The following HOXC10 variants were observed in gnomAD, a reference collection of about 807,000 sequenced individuals.
HOXC10 encodes the protein homeobox C10.
A neutral mutation model predicts 26.0 loss-of-function variants in HOXC10; 15 were observed. The ratio of observed to expected loss-of-function variants is 0.58; its 90% CI spans 0.39 to 0.89. The LOEUF is 0.89. Ranked by LOEUF, HOXC10 falls within the 40% of genes least tolerant of loss-of-function variation. The pLI, the probability that HOXC10 is intolerant of heterozygous loss-of-function variation, is 0.00. For missense variants in HOXC10, 446 were observed against 451.9 expected, an observed-to-expected ratio of 0.99 and a Z score of 0.12; for synonymous variants, 196 against 185.5, an observed-to-expected ratio of 1.06 and a Z score of -0.46.
At chr12:53,986,227 C>T (rs990807597) in intron 1 of HOXC10, 3 of 550,168 alleles carry the variant, frequency 5.5e-6, no homozygotes, top group South Asian at 3.0e-5. Context: ...GGCCCTGCCC[C>T]GGCCATGGGT....
Position 53,989,709 on chromosome 12 carries a change from G to T in HOXC10, c.*263G>T. 2.0e-6 allele frequency: 1 copy of T among 503,076 alleles called. No homozygotes were observed. The highest frequency in any genetic ancestry group is 3.5e-6 in the Non-Finnish European group (1 of 286,084). 31.2% of individuals were successfully genotyped at this position (503,076 alleles called of 1,614,324 possible). A position where few individuals can be genotyped will look rare whatever the true frequency, so the allele number is the denominator to read the frequency against. On this transcript the variant is annotated 3_prime_UTR_variant, in exon 2 of 2. Transcript: ENST00000303460. ...GGGGGTGGGAGTGTGGCTGGTGTGTGTGTCAAGCCCTCACTCACCCACGCA... is the reference window on the plus strand; with the variant it reads ...GGGGGTGGGAGTGTGGCTGGTGTGTTTGTCAAGCCCTCACTCACCCACGCA...
intron 1 of HOXC10, chr12:53,986,472 T>C (rs1186436583): frequency 6.5e-6 from 1 of 153,830 alleles, no homozygotes; most frequent in East Asian, 1.9e-4. Context: ...TACTGCGTTT[T>C]CCCAGTTGAA....
intron 1 of HOXC10, among the ~76,000 whole-genome samples, chr12:53,988,331 A>G (rs1592201942): frequency 6.6e-6 from 1 of 152,202 alleles, no homozygotes; most frequent in East Asian, 1.9e-4. Context: ...AGGTGTGTGT[A>G]TCTCTGCAGG....
Position 53,989,430 on chromosome 12 carries a change from A to C in HOXC10, c.1013A>C (p.Asn338Thr). The C allele has an allele frequency of 6.2e-7, 1 of 1,612,928 alleles. No individual in the cohort carries two copies. Among genetic ancestry groups the C allele is most frequent in the East Asian group, 2.2e-5 (1 of 44,862 alleles). Residue 338 changes from asparagine (N) to threonine (T), a missense_variant, in exon 2 of 2, where the codon AAT becomes ACT. Coordinates refer to ENST00000303460, the MANE Select transcript of HOXC10 (RefSeq NM_017409.4). ...AATCGGATCCGGGAACTGACCTCCA[A>C]TTTTAATTTCACCTGAGAGCGCGGC... ...RENRIRELTS[N>T]FNFT
rs538290710 is a variant in HOXC10 at position 53,989,400 on chromosome 12, G to A, written c.983G>A (p.Arg328Gln). The A allele has an allele frequency of 1.1e-5, 17 of 1,613,918 alleles. No individual in the cohort carries two copies. Among genetic ancestry groups the A allele is most frequent in the East Asian group, 2.2e-5 (1 of 44,868 alleles). Residue 328 changes from arginine (R) to glutamine (Q), a missense_variant, in exon 2 of 2, where the codon CGA becomes CAA. Coordinates refer to ENST00000303460, the MANE Select transcript of HOXC10 (RefSeq NM_017409.4). ...NRRMKLKKMN[R>Q]ENRIRELTSN... ...AGAATGAAACTCAAGAAAATGAACC[G>A]AGAGAATCGGATCCGGGAACTGACC... is the stretch of plus-strand genomic sequence containing the variant.
In HOXC10 at chr12:53,985,945, A is replaced by C; in HGVS notation, c.686A>C (p.Glu229Ala). 1 of 1,612,386 alleles carries C rather than the reference A, an allele frequency of 6.2e-7. No homozygotes were observed. Among genetic ancestry groups the C allele is most frequent in the South Asian group, 1.1e-5 (1 of 90,924 alleles). The part of the protein sequence containing the change: ...SLAGPKGSPS[E>A]SEKERAKAAD... ...GCGGGCCCTAAAGGGAGCCCCTCGG[A>C]GAGCGAAAAGGAGAGGGCCAAAGCT... is the stretch of plus-strand genomic sequence containing the variant. Residue 229 changes from glutamate to alanine, a missense_variant, in exon 1 of 2, where the codon GAG becomes GCG. Transcript: ENST00000303460.
intron 1 of HOXC10, among the ~76,000 whole-genome samples, chr12:53,988,820 A>G (rs1939474646): frequency 6.6e-6 from 1 of 152,252 alleles, no homozygotes; most frequent in Admixed American, 6.5e-5. Context: ...CAGAGCTGGA[A>G]TGGAACAGAG....
rs775547283 is a variant in HOXC10 at position 53,989,427 on chromosome 12, C to T, written c.1010C>T (p.Ser337Phe). 6.2e-7 allele frequency: 1 copy of T among 1,613,136 alleles called. No homozygotes were observed. The highest frequency in any genetic ancestry group is 1.1e-5 in the South Asian group (1 of 90,884). The part of the protein sequence containing the change: ...NRENRIRELT[S>F]NFNFT The stretch of plus-strand genomic sequence containing the variant: ...GAGAATCGGATCCGGGAACTGACCT[C>T]CAATTTTAATTTCACCTGAGAGCGC... Residue 337 changes from serine (S) to phenylalanine (F), a missense_variant, in exon 2 of 2, where the codon TCC becomes TTC. Transcript: ENST00000303460.
chr12:53,985,547 GTCC>G lies in HOXC10; in HGVS notation c.293_295del (p.Ser98del), dbSNP rs993462053. ...TGGAACAACCTGTTGGCAGGCCGCT[GTCC>G]TCCTGCTCCTACCCACCTAGTGTCA... On this transcript the variant is annotated inframe_deletion, in exon 1 of 2. Transcript: ENST00000303460. 9.3e-6 allele frequency: 15 copies of G among 1,613,742 alleles called. No homozygotes were observed. The African/African-American group carries it at 1.2e-4, about 13-fold the overall frequency.
chr12:53,989,171 G>A lies in HOXC10; in HGVS notation c.754G>A (p.Glu252Lys). ...PDTSDNEAKE[E>K]IKAENTTGNW... ...GTAAATAATGTTATTTTTAACAGAG[G>A]AGATAAAGGCAGAAAACACCACAGG... The change falls in exon 2 of 2, where the codon GAG becomes AAG. Residue 252 changes from glutamate (E) to lysine (K), a missense_variant and splice_region_variant. Physicochemically the swap from Glu to Lys is moderately conservative, Grantham distance 56. Coordinates refer to ENST00000303460, the MANE Select transcript of HOXC10 (RefSeq NM_017409.4). 1 of 1,596,466 alleles carries A rather than the reference G, an allele frequency of 6.3e-7. No individual in the cohort carries two copies. Among genetic ancestry groups the A allele is most frequent in the Non-Finnish European group, 8.5e-7 (1 of 1,173,624 alleles).
intron 1 of HOXC10, among the ~76,000 whole-genome samples, chr12:53,988,221 G>C (rs1370733078): frequency 6.6e-6 from 1 of 152,244 alleles, no homozygotes; most frequent in Non-Finnish European, 1.5e-5. Context: ...GTCAGGGATA[G>C]AGGCTGTCAA....
rs1448845462 is a variant in HOXC10 at position 53,985,713 on chromosome 12, A to T, written c.454A>T (p.Ser152Cys). 1 of 1,610,546 alleles carries T rather than the reference A, an allele frequency of 6.2e-7. No individual in the cohort carries two copies. Among genetic ancestry groups the T allele is most frequent in the Non-Finnish European group, 8.5e-7 (1 of 1,177,516 alleles). Residue 152 changes from serine (S) to cysteine (C), a missense_variant, in exon 1 of 2, where the codon AGC becomes TGC. Coordinates refer to ENST00000303460, the MANE Select transcript of HOXC10 (RefSeq NM_017409.4). ...ACCCGTGCCCAGCTACTACCGCGCC[A>T]GCCCGAGCTACTCCGCGCTGGACAA... ...EVPVPSYYRA[S>C]PSYSALDKTP...
At chr12:53,987,305 G>A (rs1373404284) in intron 1 of HOXC10, among the ~76,000 whole-genome samples, 1 of 152,204 alleles carries the variant, frequency 6.6e-6, no homozygotes, top group Non-Finnish European at 1.5e-5. Context: ...CACATGCACA[G>A]GCACTCTTTT....
intron 1 of HOXC10, among the ~76,000 whole-genome samples, chr12:53,987,989 T>A (rs1939464170): frequency 6.6e-6 from 1 of 152,152 alleles, no homozygotes; most frequent in African/African-American, 2.4e-5. Flanking sequence ...TGTTTTCTGG[T>A]TCCTCTTAGG....
chr12:53,986,922 G>C (rs1368475156), intron 1 of HOXC10, among the ~76,000 whole-genome samples: 2 of 152,174 alleles, frequency 1.3e-5, no homozygotes, highest in Non-Finnish European at 2.9e-5. Flanking sequence ...CATTTCTGCT[G>C]TAGGAGCTGG....
chr12:53,985,521 C>G lies in HOXC10; in HGVS notation c.262C>G (p.Leu88Val). The G allele has an allele frequency of 6.2e-7, 1 of 1,613,938 alleles. No homozygotes were observed. Among genetic ancestry groups the G allele is most frequent in the Non-Finnish European group, 8.5e-7 (1 of 1,180,052 alleles). Reference sequence around the variant, plus strand: ...GGGCGACCCCAAAGCCGCCTATCGCCTGGAACAACCTGTTGGCAGGCCGCT... The same window carrying G: ...GGGCGACCCCAAAGCCGCCTATCGCGTGGAACAACCTGTTGGCAGGCCGCT... ...SWGDPKAAYR[L>V]EQPVGRPLSS... The change falls in exon 1 of 2, where the codon CTG becomes GTG. Residue 88 changes from leucine to valine, a missense_variant. Transcript: ENST00000303460.
chr12:53,987,290 G>A (rs1395426509), intron 1 of HOXC10, among the ~76,000 whole-genome samples: 3 of 152,176 alleles, frequency 2.0e-5, no homozygotes, highest in Non-Finnish European at 4.4e-5. Flanking sequence ...ACGCATGCCC[G>A]CTCACACATG....
At chr12:53,987,165 C>G (rs1038044592) in intron 1 of HOXC10, among the ~76,000 whole-genome samples, 2 of 152,218 alleles carry the variant, frequency 1.3e-5, no homozygotes, top group Admixed American at 6.5e-5. Flanking sequence ...GCGGAGCAGG[C>G]TGGGGGCGGC....
At position 53,985,948 on chromosome 12, in the gene HOXC10, G is replaced by T; in HGVS notation, c.689G>T (p.Ser230Ile). The change falls in exon 1 of 2, where the codon AGC becomes ATC. Residue 230 changes from serine (S) to isoleucine (I), a missense_variant. By Grantham distance (142) the Ser-to-Ile change is moderately radical. Coordinates refer to ENST00000303460, the MANE Select transcript of HOXC10 (RefSeq NM_017409.4). ...LAGPKGSPSESEKERAKAADS... is the reference protein window; with the variant it reads ...LAGPKGSPSEIEKERAKAADS... ...GGCCCTAAAGGGAGCCCCTCGGAGA[G>T]CGAAAAGGAGAGGGCCAAAGCTGCC... is the stretch of plus-strand genomic sequence containing the variant. 3 of 1,611,190 alleles carry T rather than the reference G, an allele frequency of 1.9e-6. No individual in the cohort carries two copies. The highest frequency in any genetic ancestry group is 2.5e-6 in the Non-Finnish European group (3 of 1,178,936).
Sources: allele counts gnomAD v4.1 joint callset (sites outside exome capture counted in the v4.1 genomes callset), GRCh38; gene constraint gnomAD v4.1.1; transcripts MANE v1.5; gene names NCBI Gene and HGNC (gene_info 2026-07-23, HGNC 2026-07-21).